The following CACNA1F variants were observed in gnomAD, a reference collection of about 807,000 sequenced individuals.
CACNA1F encodes the protein voltage-dependent L-type calcium channel subunit alpha-1F.
In CACNA1F, 59 loss-of-function variants were observed where a neutral mutation model predicts 143.8. The ratio of observed to expected loss-of-function variants is 0.41; its 90% CI spans 0.33 to 0.51. The LOEUF (loss-of-function observed/expected upper bound fraction) is 0.51, where lower values mean the gene tolerates loss of function less well. CACNA1F is among the 20% of genes least tolerant of loss of function. CACNA1F has a pLI of 0.22. For missense variants in CACNA1F, 1,411 were observed against 1,647.5 expected (o/e 0.86, Z 2.48); for synonymous variants, 643 against 649.1 (o/e 0.99, Z 0.14).
At chrX:49,213,319 T>C (rs942668577) in intron 31 of CACNA1F, among the ~76,000 whole-genome samples, 2 of 111,105 alleles carry the variant, frequency 1.8e-5, no homozygotes, top group African/African-American at 6.6e-5. Context: ...GTGATGGAGA[T>C]AGGGAACCAG....
At position 49,225,996 on chromosome X, in the gene CACNA1F, A is replaced by T; in HGVS notation, c.1564T>A (p.Trp522Arg). ...AGGAAGACGAGCAACAGCACAGCCC[A>T]GTAGCAGGCATTGGACTTCACTGCC... The part of the protein sequence containing the change: ...RRAVKSNACY[W>R]AVLLLVFLNT... Residue 522 changes from tryptophan to arginine, a missense_variant, in exon 13 of 48, where the codon TGG becomes AGG. This residue lies in a region of CACNA1F where 950 missense variants were observed against 1,128.1 expected (regional missense o/e 0.84). Coordinates refer to ENST00000323022, the MANE Select transcript of CACNA1F (RefSeq NM_001256789.3). 1.7e-6 allele frequency: 2 copies of T among 1,181,602 alleles called. No homozygotes were observed. The highest frequency in any genetic ancestry group is 3.7e-5 in the South Asian group (2 of 53,513).
At chrX:49,218,338 T>G in intron 24 of CACNA1F, 117 bp downstream of exon 24, 1 of 556,120 alleles carries the variant, frequency 1.8e-6, no homozygotes, top group Non-Finnish European at 3.0e-6. Context: ...TGTATTTATG[T>G]GTCAGGTCCA....
At position 49,224,841 on chromosome X, in the gene CACNA1F, C is replaced by G; in HGVS notation, c.1797G>C (p.Leu599Phe). ...VVCGGILETT[L>F]VEVGAMQPLG... ...AGGGCTGCATGGCACCCACCTCCAC[C>G]AAGGTGGTCTCTAGGATGCCCCCAC... The change falls in exon 14 of 48, where the codon TTG becomes TTC. Residue 599 changes from leucine to phenylalanine, a missense_variant. Transcript: ENST00000323022. The G allele has an allele frequency of 8.3e-7, 1 of 1,201,206 alleles. No homozygotes were observed. Among genetic ancestry groups the G allele is most frequent in the Non-Finnish European group, 1.1e-6 (1 of 888,559 alleles).
intron 1 of CACNA1F, 55 bp from the exon 2 acceptor site, chrX:49,231,982 C>T: frequency 3.7e-6 from 4 of 1,090,923 alleles, no homozygotes; most frequent in Middle Eastern, 2.5e-4. Context: ...ATTGTGGCTG[C>T]TTCCTACCTG....
rs2065605612 is a variant in CACNA1F at position 49,207,075 on chromosome X, C to T, written c.5161G>A (p.Glu1721Lys). Residue 1721 changes from glutamate (E) to lysine (K), a missense_variant, in exon 44 of 48, where the codon GAA (glutamate) becomes AAA (lysine). Physicochemically the swap from Glu to Lys is moderately conservative, Grantham distance 56. Coordinates refer to ENST00000323022, the MANE Select transcript of CACNA1F (RefSeq NM_001256789.3). ...GTTCCCTTGGGCTGAGAATTTCCTT[C>T]TTCTGGGATGGTGAAAATGAGAGCC... ...SGALIFTIPEEGNSQPKGTKG... is the reference protein window; with the variant it reads ...SGALIFTIPEKGNSQPKGTKG... 2 of 1,200,299 alleles carry T rather than the reference C, an allele frequency of 1.7e-6. No homozygotes were observed. Among genetic ancestry groups the T allele is most frequent in the Admixed American group, 4.5e-5 (2 of 44,932 alleles).
At position 49,226,107 on chromosome X, in the gene CACNA1F, C is replaced by T. The variant is rs782674490; in HGVS notation, c.1491-38G>A. On this transcript the variant is annotated intron_variant, in intron 12 of 47. Coordinates refer to ENST00000323022, the MANE Select transcript of CACNA1F (RefSeq NM_001256789.3). ...GAGCCCACAGGCTGAGATCACCTAC[C>T]TAAGCCTGCCCTGGGGGGCTCAGGT... The T allele has an allele frequency of 1.8e-5, 21 of 1,184,554 alleles. No homozygotes were observed. The South Asian group carries it at 3.1e-4, about 18-fold the overall frequency.
intron 43 of CACNA1F, 82 bp downstream of exon 43, chrX:49,208,433 A>AAAAAAGGCCCC: frequency 1.9e-6 from 1 of 531,545 alleles, no homozygotes; most frequent in Non-Finnish European, 2.9e-6. Context: ...ACCCCCCTCA[A>AAAAAAGGCCCC]CTTCCTGCCT....
intron 22 of CACNA1F, 23 bp from the exon 23 acceptor site, chrX:49,218,758 G>A (rs1557108108): frequency 1.7e-6 from 1 of 579,049 alleles, no homozygotes; most frequent in African/African-American, 2.7e-5. Context: ...CAAGAGGCTA[G>A]ACTCAGACCT....
intron 26 of CACNA1F, 57 bp from the exon 27 acceptor site, chrX:49,216,585 G>A: frequency 9.4e-7 from 1 of 1,067,696 alleles, no homozygotes; most frequent in Non-Finnish European, 1.3e-6. Context: ...TGGGGAAAGG[G>A]TCTGGGGTCT....
chrX:49,226,247 A>G lies in CACNA1F; in HGVS notation c.1464-4T>C. On this transcript the variant is annotated splice_region_variant and splice_polypyrimidine_tract_variant and intron_variant, in intron 11 of 47. Transcript: ENST00000323022. ...TCTGGTTTTCATGATCTTGTTTCTG[A>G]AAAAGAAGGGGGATGGGAGGTGTGT... is the stretch of plus-strand genomic sequence containing the variant. The G allele has an allele frequency of 1.7e-6, 2 of 1,205,650 alleles. No individual in the cohort carries two copies. The highest frequency in any genetic ancestry group is 2.2e-6 in the Non-Finnish European group (2 of 890,109).
At chrX:49,206,419 A>AAAAG in intron 46 of CACNA1F, 92 bp downstream of exon 46, 1 of 422,078 alleles carries the variant, frequency 2.4e-6, no homozygotes, top group Non-Finnish European at 4.0e-6. Flanking sequence ...AAAAAAAAAA[A>AAAAG]GGGCCTGATA....
intron 32 of CACNA1F, 24 bp downstream of exon 32, chrX:49,212,950 G>A: frequency 1.7e-6 from 2 of 1,199,030 alleles, no homozygotes; most frequent in Middle Eastern, 2.3e-4. Flanking sequence ...GAAGCAGAGA[G>A]TCCCTGTTAT....
intron 41 of CACNA1F, 51 bp from the exon 42 acceptor site, chrX:49,209,444 C>T (rs1219344947): frequency 8.5e-7 from 1 of 1,180,895 alleles, no homozygotes; most frequent in Admixed American, 2.2e-5. Context: ...CTGAACTTTC[C>T]CTCTGTTTCC....
At chrX:49,206,392 CAAAAAAAAAA>C (rs1168190548) in intron 46 of CACNA1F, 109 bp downstream of exon 46, 7 of 166,543 alleles carry the variant, frequency 4.2e-5, no homozygotes, top group African/African-American at 2.5e-4. Context: ...AACTCTGTCT[CAAAAAAAAAA>C]AAAAAAAAAA....
rs2065825462 is a variant in CACNA1F at position 49,226,467 on chromosome X, C to G, written c.1405G>C (p.Glu469Gln). The change falls in exon 11 of 48, where the codon GAG (glutamate) becomes CAG (glutamine). Residue 469 changes from glutamate to glutamine, a missense_variant. This residue lies in a region of CACNA1F where 950 missense variants were observed against 1,128.1 expected (regional missense o/e 0.84). Coordinates refer to ENST00000323022, the MANE Select transcript of CACNA1F (RefSeq NM_001256789.3). ...TCCTCATCCTCATCGCCTTGGGTCT[C>G]TGTCATGGAACCGGTGTCACTGGCT... ...LPASDTGSMT[E>Q]TQGDEDEEEG... 1.7e-6 allele frequency: 2 copies of G among 1,191,811 alleles called. No homozygotes were observed. The highest frequency in any genetic ancestry group is 3.5e-5 in the African/African-American group (2 of 57,450).
At chrX:49,216,922 T>C (rs1357408385) in intron 26 of CACNA1F, among the ~76,000 whole-genome samples, 2 of 111,684 alleles carry the variant, frequency 1.8e-5, no homozygotes, top group Non-Finnish European at 3.8e-5. Flanking sequence ...TGCCAGGCAC[T>C]GAACTAGATT....
intron 37 of CACNA1F, 137 bp from the exon 38 acceptor site, chrX:49,210,823 G>A: frequency 1.2e-6 from 1 of 850,070 alleles, no homozygotes; most frequent in Non-Finnish European, 1.7e-6. Context: ...CAGTCAGAGA[G>A]GGCAGAGGAT....
chrX:49,211,535 G>A (rs1557106270), intron 35 of CACNA1F, 54 bp from the exon 36 acceptor site: 3 of 1,055,958 alleles, frequency 2.8e-6, no homozygotes, highest in Non-Finnish European at 2.6e-6. Context: ...TGAAGTCATG[G>A]TAAATGGAGT....
rs782555988 is a variant in CACNA1F, at chrX:49,215,558, G to T, written c.3237-15C>A. 6 of 1,107,274 alleles carry T rather than the reference G, an allele frequency of 5.4e-6. No homozygotes were observed. Among genetic ancestry groups the T allele is most frequent in the African/African-American group, 3.7e-5 (2 of 53,872 alleles). The allele number at this position is 1,107,274 out of a possible 1,213,427, so 91.3% of individuals were successfully genotyped here. ...TGTATAGCAGTCTGTGGGAGCCAGAGGGGGGGTAGAGGTGGGGGCAGGTGA... is the reference window on the plus strand; with the variant it reads ...TGTATAGCAGTCTGTGGGAGCCAGATGGGGGGTAGAGGTGGGGGCAGGTGA... On this transcript the variant is annotated splice_polypyrimidine_tract_variant and intron_variant, in intron 27 of 47. Coordinates refer to ENST00000323022, the MANE Select transcript of CACNA1F (RefSeq NM_001256789.3).
Sources: allele counts gnomAD v4.1 joint callset (sites outside exome capture counted in the v4.1 genomes callset), GRCh38; gene constraint gnomAD v4.1.1; regional missense constraint gnomAD v4.1.1; transcripts MANE v1.5; gene names NCBI Gene and HGNC (gene_info 2026-07-23, HGNC 2026-07-21).